The following LRP2BP variants were observed in gnomAD, a reference collection of about 807,000 sequenced individuals.
LRP2BP encodes LRP2 binding protein.
A neutral mutation model predicts 45.2 loss-of-function variants in LRP2BP; 38 were observed. The ratio of observed to expected loss-of-function variants is 0.84; its 90% CI spans 0.65 to 1.10. LRP2BP has a LOEUF of 1.10. LRP2BP is among the 50% of genes least tolerant of loss of function. The pLI is 0.00. For synonymous variants in LRP2BP, 153 were observed against 153.9 expected, an observed-to-expected ratio of 0.99 and a Z score of 0.04; for missense variants, 385 against 418.9, an observed-to-expected ratio of 0.92 and a Z score of 0.71.
rs761832029 is a variant in LRP2BP at position 185,370,754 on chromosome 4, G to C, written c.864C>G (p.Leu288=). Residue 288 remains leucine, a synonymous_variant, in exon 8 of 9, where the codon CTC becomes CTG. Coordinates refer to ENST00000505916, the MANE Select transcript of LRP2BP (RefSeq NM_001377440.1). ...CCATGCCTCTGCCGATGAACTCCGG[G>C]AGACAGTCTGTGACCTGGGCGATCA... ...IPMIAQVTDC[L]PEFIGRGMAM... 1 of 1,614,122 alleles carries C rather than the reference G, an allele frequency of 6.2e-7. No homozygotes were observed. The highest frequency in any genetic ancestry group is 2.2e-5 in the East Asian group (1 of 44,870).
chr4:185,378,785 G>GGA, intron 1 of LRP2BP: 1 of 985,528 alleles, frequency 1.0e-6, no homozygotes, highest in Non-Finnish European at 1.2e-6. Flanking sequence ...TTGGGGTGAA[G>GGA]GAGTCCAGGT....
chr4:185,380,929 G>A (rs773089418), intron 1 of LRP2BP, among the ~76,000 whole-genome samples: 39 of 151,682 alleles, frequency 2.6e-4, no homozygotes, highest in Non-Finnish European at 4.4e-4. Context: ...TGCCATTAAA[G>A]CAATCCATTT....
chr4:185,396,237 C>G (rs1310317604), upstream of LRP2BP: 2 of 152,282 alleles, frequency 1.3e-5, no homozygotes, highest in Non-Finnish European at 2.9e-5. Context: ...CTTCACCTCC[C>G]GGGTTGGGAG....
chr4:185,394,333 G>A (rs1004661763), intron 1 of LRP2BP, among the ~76,000 whole-genome samples: 2 of 149,154 alleles, frequency 1.3e-5, no homozygotes, highest in African/African-American at 2.5e-5. Context: ...GAATTGACCA[G>A]AGGTGACCAA....
chr4:185,386,099 G>A (rs990688372), intron 1 of LRP2BP, among the ~76,000 whole-genome samples: 18 of 152,152 alleles, frequency 1.2e-4, no homozygotes, highest in African/African-American at 2.4e-4. Context: ...ACAAAGAGTC[G>A]TGGTATCACC....
At chr4:185,370,210 C>T (rs1280295439) in intron 8 of LRP2BP, 2 of 164,268 alleles carry the variant, frequency 1.2e-5, no homozygotes, top group Admixed American at 1.2e-4. Context: ...TAACTGATTA[C>T]CTCAAACTCA....
Position 185,374,244 on chromosome 4 carries a change from CAAGAGA to C in LRP2BP, c.474-10_474-5del, listed in dbSNP as rs1217165241. ...GTCTGCTGCGATAAGCCACAGTCTA[CAAGAGA>C]AAGTGAGGCATGTTATTCTCGGTTT... On this transcript the variant is annotated splice_region_variant and splice_polypyrimidine_tract_variant and intron_variant, in intron 5 of 8. Transcript: ENST00000505916. 6.2e-7 allele frequency: 1 copy of C among 1,614,126 alleles called. No homozygotes were observed. Among genetic ancestry groups the C allele is most frequent in the East Asian group, 2.2e-5 (1 of 44,872 alleles).
intron 2 of LRP2BP, 83 bp from the exon 3 acceptor site, chr4:185,377,101 C>G (rs139649833): frequency 6.1e-6 from 6 of 983,578 alleles, no homozygotes; most frequent in Non-Finnish European, 8.0e-6. Context: ...TAAAATCCAT[C>G]TAACACTGTT....
At chr4:185,389,467 C>G (rs1387353458) in intron 1 of LRP2BP, among the ~76,000 whole-genome samples, 1 of 152,112 alleles carries the variant, frequency 6.6e-6, no homozygotes, top group African/African-American at 2.4e-5. Flanking sequence ...ACCTCAGCCT[C>G]CCAAAGTGCT....
At position 185,375,455 on chromosome 4, in the gene LRP2BP, C is replaced by CAAAAAAAAAAAAAA. The variant is rs1193760497; in HGVS notation, c.330+144_330+157dup. ...TGGGCGACAGAGCGAGACTCCGTCT[C>CAAAAAAAAAAAAAA]AAAAAAAAAAAAAAAAAAAAAAAAA... On this transcript the variant is annotated intron_variant, in intron 4 of 8. Transcript: ENST00000505916. Among the ~76,000 whole-genome samples the CAAAAAAAAAAAAAA allele has an allele frequency of 1.4e-4, 2 of 14,774 alleles. 1 individual carries two copies. Among genetic ancestry groups the CAAAAAAAAAAAAAA allele is most frequent in the African/African-American group, 4.4e-4 (2 of 4,596 alleles). 9.7% of individuals were successfully genotyped at this position (14,774 alleles called of 152,430 possible).
In LRP2BP at chr4:185,364,714, C is replaced by T. The variant is rs942184543; in HGVS notation, c.*2466G>A. The T allele has an allele frequency of 1.2e-4, 18 of 151,758 alleles. No homozygotes were observed. Among genetic ancestry groups the T allele is most frequent in the African/African-American group, 4.4e-4 (18 of 41,282 alleles). 9.4% of individuals were successfully genotyped at this position (151,758 alleles called of 1,614,324 possible). On this transcript the variant is annotated 3_prime_UTR_variant, in exon 9 of 9. Coordinates refer to ENST00000505916, the MANE Select transcript of LRP2BP (RefSeq NM_001377440.1). ...GATATTTGACACTTAAAAAAATACC[C>T]AAAGTTGGCTATTGATAAAAATTAT...
intron 8 of LRP2BP, among the ~76,000 whole-genome samples, chr4:185,369,152 G>A (rs954542448): frequency 6.7e-6 from 1 of 150,052 alleles, no homozygotes; most frequent in African/African-American, 2.4e-5. Context: ...TATTTGACTA[G>A]AGTTTTCTAA....
intron 1 of LRP2BP, among the ~76,000 whole-genome samples, chr4:185,388,010 G>A (rs527662318): frequency 2.6e-5 from 4 of 152,234 alleles, no homozygotes; most frequent in Admixed American, 1.3e-4. Context: ...GCAGTAGGCC[G>A]AGGACAGGCC....
chr4:185,397,084 C>G (rs1385476766), upstream of LRP2BP: 1 of 1,609,778 alleles, frequency 6.2e-7, no homozygotes, highest in Non-Finnish European at 8.5e-7. Context: ...GGGGAGGTTT[C>G]CAGCCCGGAG....
intron 1 of LRP2BP, among the ~76,000 whole-genome samples, chr4:185,389,729 T>A (rs2095483155): frequency 6.6e-6 from 1 of 152,182 alleles, no homozygotes; most frequent in Non-Finnish European, 1.5e-5. Flanking sequence ...AACCTTCGTA[T>A]CTGTTCATCT....
Position 185,378,218 on chromosome 4 carries a change from G to C in LRP2BP, c.-21-11C>G. 6.2e-7 allele frequency: 1 copy of C among 1,603,552 alleles called. No homozygotes were observed. The highest frequency in any genetic ancestry group is 8.5e-7 in the Non-Finnish European group (1 of 1,177,334). On this transcript the variant is annotated splice_polypyrimidine_tract_variant and intron_variant, in intron 1 of 8. Transcript: ENST00000505916. Reference sequence around the variant, plus strand: ...TCTGCAATGTGTATTCTATAAGCAAGAAGAAAAAATAAGTGGTAGAAATTT... The same window carrying C: ...TCTGCAATGTGTATTCTATAAGCAACAAGAAAAAATAAGTGGTAGAAATTT...
intron 7 of LRP2BP, among the ~76,000 whole-genome samples, chr4:185,371,632 A>G (rs930815492): frequency 2.6e-5 from 4 of 151,902 alleles, no homozygotes; most frequent in Non-Finnish European, 4.4e-5. Context: ...AATGTGATCC[A>G]GTCAACTCCA....
chr4:185,373,632 T>C (rs2095423672), intron 6 of LRP2BP, among the ~76,000 whole-genome samples: 1 of 152,224 alleles, frequency 6.6e-6, no homozygotes, highest in African/African-American at 2.4e-5. Flanking sequence ...AGTTGTTATG[T>C]GTCTCTTGCA....
At chr4:185,394,339 A>T (rs573432935) in intron 1 of LRP2BP, among the ~76,000 whole-genome samples, 10 of 151,272 alleles carry the variant, frequency 6.6e-5, no homozygotes, top group African/African-American at 2.4e-4. Context: ...ACCAGAGGTG[A>T]CCAAAATTAT....
Sources: allele counts gnomAD v4.1 joint callset (sites outside exome capture counted in the v4.1 genomes callset), GRCh38; gene constraint gnomAD v4.1.1; transcripts MANE v1.5; gene names NCBI Gene and HGNC (gene_info 2026-07-23, HGNC 2026-07-21).